The following CPT1A variants were observed in gnomAD, a reference collection of about 807,000 sequenced individuals.
CPT1A encodes the protein carnitine O-palmitoyltransferase 1, liver isoform.
Under a neutral mutation model 100.8 loss-of-function variants are expected in CPT1A, and 64 were observed. The ratio of observed to expected loss-of-function variants is 0.63; its 90% CI spans 0.52 to 0.78. The LOEUF is 0.78. CPT1A is among the 30% of genes least tolerant of loss of function. The pLI, the probability that CPT1A is intolerant of heterozygous loss-of-function variation, is 0.00. For missense variants in CPT1A, 802 were observed against 1,034.1 expected (o/e 0.78, Z 3.08); for synonymous variants, 363 against 396.0 (o/e 0.92, Z 0.99).
intron 1 of CPT1A, among the ~76,000 whole-genome samples, chr11:68,835,337 A>T (rs1372724052): frequency 1.3e-5 from 2 of 152,180 alleles, no homozygotes; most frequent in African/African-American, 2.4e-5. Flanking sequence ...TCGTACCAGT[A>T]TATTGTTCCC....
At chr11:68,788,631 A>T (rs200828854) in intron 9 of CPT1A, among the ~76,000 whole-genome samples, 2 of 5,788 alleles carry the variant, frequency 3.5e-4, no homozygotes, top group Non-Finnish European at 5.8e-4. Flanking sequence ...AAACAAAAGT[A>T]AAAAAAAAAA....
chr11:68,757,460 G>A lies in CPT1A; in HGVS notation c.*184C>T. The A allele has an allele frequency of 1.4e-6, 2 of 1,463,656 alleles. No homozygotes were observed. Among genetic ancestry groups the A allele is most frequent in the Non-Finnish European group, 9.0e-7 (1 of 1,113,350 alleles). 90.7% of individuals were successfully genotyped at this position (1,463,656 alleles called of 1,614,324 possible). On this transcript the variant is annotated 3_prime_UTR_variant, in exon 19 of 19. Coordinates refer to ENST00000265641, the MANE Select transcript of CPT1A (RefSeq NM_001876.4). ...AAGGGAGGGCAAGTCTGGAAGTAGT[G>A]GGGTTATGCTTCACAGGGGAGAGAT... is the stretch of plus-strand genomic sequence containing the variant.
chr11:68,827,251 C>A (rs902039474), intron 1 of CPT1A, among the ~76,000 whole-genome samples: 1 of 152,078 alleles, frequency 6.6e-6, no homozygotes, highest in African/African-American at 2.4e-5. Context: ...GAGGCTCACA[C>A]AAGCCCGGGA....
Position 68,815,436 on chromosome 11 carries a change from C to G in CPT1A, c.39G>C (p.Thr13=). The G allele has an allele frequency of 5.0e-6, 8 of 1,614,094 alleles. No homozygotes were observed. Among genetic ancestry groups the G allele is most frequent in the Non-Finnish European group, 6.8e-6 (8 of 1,180,016 alleles). Residue 13 remains threonine (T), a synonymous_variant, in exon 2 of 19, where the codon ACG becomes ACC. Transcript: ENST00000265641. ...EAHQAVAFQF[T]VTPDGIDLRL... ...GCAGGTCAATCCCGTCCGGAGTGAC[C>G]GTGAACTGAAAGGCCACAGCTTGGT...
At chr11:68,817,791 G>A (rs373290865) in intron 1 of CPT1A, among the ~76,000 whole-genome samples, 2 of 149,700 alleles carry the variant, frequency 1.3e-5, no homozygotes, top group African/African-American at 4.9e-5. Flanking sequence ...TCAAGAGCAG[G>A]CCAGCGGGGT....
At chr11:68,775,202 T>C in intron 13 of CPT1A, 114 bp downstream of exon 13, 5 of 857,332 alleles carry the variant, frequency 5.8e-6, no homozygotes, top group Middle Eastern at 2.8e-4. Context: ...GCCTCAGTGG[T>C]CTTCAACTGA....
At chr11:68,760,531 C>G (rs913944063) in intron 16 of CPT1A, among the ~76,000 whole-genome samples, 193 bp from the exon 17 acceptor site, 7 of 147,204 alleles carry the variant, frequency 4.8e-5, no homozygotes, top group Non-Finnish European at 7.5e-5. Flanking sequence ...GGCCCCCAGA[C>G]TGGGGCAGGG....
chr11:68,759,682 AATTT>A, intron 17 of CPT1A, 21 bp from the exon 18 acceptor site: 1 of 1,558,830 alleles, frequency 6.4e-7, no homozygotes, highest in East Asian at 2.2e-5. Context: ...AGGGAATTTG[AATTT>A]GTTGCTGGGA....
At position 68,837,030 on chromosome 11, in the gene CPT1A, C is replaced by T. The variant is rs149601281; in HGVS notation, c.-14+4745G>A. 8.3e-4 allele frequency among the ~76,000 whole-genome samples: 126 copies of T among 152,196 alleles called. 1 individual carries two copies. The Middle Eastern group carries it at 0.017, about 21-fold the overall frequency. ...GTCAAATTTCAGTGATAGCATATGA[C>T]AGTTTTGTCTCTTCTCTTCTCTTTT... On this transcript the variant is annotated intron_variant, in intron 1 of 18. Transcript: ENST00000265641.
At position 68,755,141 on chromosome 11, in the gene CPT1A, C is replaced by A; in HGVS notation, c.*2503G>T. The A allele has an allele frequency of 2.5e-6, 1 of 403,074 alleles. No individual in the cohort carries two copies. The highest frequency in any genetic ancestry group is 4.5e-6 in the Non-Finnish European group (1 of 220,002). 25.0% of individuals were successfully genotyped at this position (403,074 alleles called of 1,614,324 possible). A position where few individuals can be genotyped will look rare whatever the true frequency, so the allele number is the denominator to read the frequency against. On this transcript the variant is annotated 3_prime_UTR_variant, in exon 19 of 19. Transcript: ENST00000265641. ...ATATAAAATTGCATTGATAACTGCA[C>A]TGATGAGCAACAATTACATTTGAAA...
At position 68,807,598 on chromosome 11, in the gene CPT1A, C is replaced by A. The variant is rs762094475; in HGVS notation, c.322G>T (p.Val108Leu). 3 of 1,614,038 alleles carry A rather than the reference C, an allele frequency of 1.9e-6. No homozygotes were observed. The highest frequency in any genetic ancestry group is 8.5e-7 in the Non-Finnish European group (1 of 1,180,044). Reference sequence around the variant, plus strand: ...ACCCACAGGCCGGTGCCAAACAGCACGCCGCTGACCACGTTCTTCGTCTGG... The same window carrying A: ...ACCCACAGGCCGGTGCCAAACAGCAAGCCGCTGACCACGTTCTTCGTCTGG... The part of the protein sequence containing the change: ...SSQTKNVVSG[V>L]LFGTGLWVAL... The change falls in exon 4 of 19, where the codon GTG becomes TTG. Residue 108 changes from valine to leucine, a missense_variant. By Grantham distance (32) the Val-to-Leu change is conservative. Transcript: ENST00000265641.
At chr11:68,782,079 G>A (rs992992385) in intron 10 of CPT1A, 120 bp from the exon 11 acceptor site, 11 of 883,802 alleles carry the variant, frequency 1.2e-5, no homozygotes, top group Non-Finnish European at 1.8e-5. Flanking sequence ...AAAACTCCAT[G>A]TTGATGATGT....
At chr11:68,777,867 G>A (rs1261325161) in intron 12 of CPT1A, among the ~76,000 whole-genome samples, 1 of 152,180 alleles carries the variant, frequency 6.6e-6, no homozygotes, top group Non-Finnish European at 1.5e-5. Context: ...CTATTATGCT[G>A]TGCAGAGATT....
At chr11:68,794,951 AG>A (rs770438425) in intron 7 of CPT1A, 40 bp from the exon 8 acceptor site, 4 of 1,491,676 alleles carry the variant, frequency 2.7e-6, no homozygotes, top group Non-Finnish European at 3.7e-6. Context: ...GCATAGGGAA[AG>A]ATAAGCAAAT....
chr11:68,817,963 C>G (rs189198841), intron 1 of CPT1A, among the ~76,000 whole-genome samples: 1 of 151,950 alleles, frequency 6.6e-6, no homozygotes. Context: ...CAGAGGCAGC[C>G]GGTGGGAGGT....
intron 15 of CPT1A, 24 bp from the exon 16 acceptor site, chr11:68,761,711 A>G: frequency 1.2e-6 from 2 of 1,614,028 alleles, no homozygotes; most frequent in Admixed American, 1.7e-5. Context: ...GGTGGGAAGG[A>G]CATATGTTGC....
intron 5 of CPT1A, among the ~76,000 whole-genome samples, chr11:68,800,426 A>C (rs1855873350): frequency 6.6e-6 from 1 of 150,972 alleles, no homozygotes; most frequent in Non-Finnish European, 1.5e-5. Flanking sequence ...AGAGTGCTTG[A>C]GCCCAAGCAA....
intron 14 of CPT1A, 91 bp downstream of exon 14, chr11:68,773,174 G>A (rs1855039776): frequency 2.5e-6 from 4 of 1,588,524 alleles, no homozygotes; most frequent in East Asian, 4.5e-5. Context: ...GCCGGGTTTC[G>A]GGCCTTCCCT....
intron 1 of CPT1A, among the ~76,000 whole-genome samples, chr11:68,833,054 G>T (rs1182998608): frequency 6.6e-6 from 1 of 152,160 alleles, no homozygotes; most frequent in Non-Finnish European, 1.5e-5. Flanking sequence ...ATTCTGCTTC[G>T]CTAGAAAGCT....
Sources: gnomAD v4.1 joint callset for allele counts (sites outside exome capture counted in the v4.1 genomes callset) on GRCh38, gnomAD v4.1.1 for gene constraint, MANE v1.5 for transcripts, NCBI Gene and HGNC (gene_info 2026-07-23, HGNC 2026-07-21) for gene names.